The following GDAP1 variants were observed in gnomAD, a reference collection of about 807,000 sequenced individuals.
GDAP1 encodes ganglioside induced differentiation associated protein 1, also known as ganglioside-induced differentiation-associated protein 1.
In GDAP1, 34 loss-of-function variants were observed where a neutral mutation model predicts 40.1. The ratio of observed to expected loss-of-function variants is 0.85; its 90% CI spans 0.64 to 1.13. The LOEUF (loss-of-function observed/expected upper bound fraction) is 1.13. GDAP1 is among the 50% of genes most tolerant of loss of function. The pLI is 0.00. For missense variants in GDAP1, 374 were observed against 433.7 expected (o/e 0.86, Z 1.22); for synonymous variants, 170 against 157.4 (o/e 1.08, Z -0.60).
At chr8:74,411,118 T>C (rs1805703481) in intron 2 of GDAP1, among the ~76,000 whole-genome samples, 1 of 150,080 alleles carries the variant, frequency 6.7e-6, no homozygotes. Context: ...AGAAAGTACT[T>C]GCTGCTTCTT....
chr8:74,388,889 A>G (rs537250980), intron 2 of GDAP1, among the ~76,000 whole-genome samples: 1 of 152,270 alleles, frequency 6.6e-6, no homozygotes, highest in East Asian at 1.9e-4. Flanking sequence ...TATATTTAGC[A>G]TATTTAGCTC....
chr8:74,400,708 G>A (rs1427829992), intron 2 of GDAP1, among the ~76,000 whole-genome samples: 18 of 149,648 alleles, frequency 1.2e-4, no homozygotes, highest in Admixed American at 1.1e-3. Flanking sequence ...TCCTTTCCAT[G>A]TTTAGTGCTT....
At chr8:74,467,536 A>G (rs569700415) in intron 2 of GDAP1, among the ~76,000 whole-genome samples, 7 of 152,204 alleles carry the variant, frequency 4.6e-5, no homozygotes, top group Non-Finnish European at 1.0e-4. Context: ...GAGAGGCAAG[A>G]GTCAATGAAC....
intron 2 of GDAP1, among the ~76,000 whole-genome samples, chr8:74,413,773 G>T (rs1805744429): frequency 6.9e-6 from 1 of 144,806 alleles, no homozygotes; most frequent in Non-Finnish European, 1.5e-5. Context: ...CAAAGTGGTT[G>T]CAACCATAGG....
At chr8:74,443,240 C>A (rs1474552746) in intron 2 of GDAP1, among the ~76,000 whole-genome samples, 1 of 152,166 alleles carries the variant, frequency 6.6e-6, no homozygotes, top group Non-Finnish European at 1.5e-5. Flanking sequence ...GGAGCCTGAT[C>A]TGGATCCCAA....
intron 2 of GDAP1, among the ~76,000 whole-genome samples, chr8:74,374,752 A>G (rs1809822695): frequency 6.6e-6 from 1 of 152,216 alleles, no homozygotes; most frequent in Non-Finnish European, 1.5e-5. Flanking sequence ...GATGAAATTG[A>G]CAAATTTCTT....
chr8:74,386,503 G>A (rs973957934), intron 2 of GDAP1, among the ~76,000 whole-genome samples: 3 of 152,090 alleles, frequency 2.0e-5, no homozygotes, highest in African/African-American at 7.2e-5. Flanking sequence ...GTAGATGTGT[G>A]GCGTTATTCC....
chr8:74,374,549 C>T (rs151209000), intron 2 of GDAP1, among the ~76,000 whole-genome samples: 60 of 151,798 alleles, frequency 4.0e-4, no homozygotes, highest in Non-Finnish European at 7.2e-4. Flanking sequence ...CAAAAATTAA[C>T]GAAACTCAAA....
Position 74,351,255 on chromosome 8 carries a change from C to T in GDAP1, c.118-19C>T, listed in dbSNP as rs764139278. 6.2e-7 allele frequency: 1 copy of T among 1,604,096 alleles called. No individual in the cohort carries two copies. Among genetic ancestry groups the T allele is most frequent in the South Asian group, 1.1e-5 (1 of 90,876 alleles). On this transcript the variant is annotated intron_variant, in intron 1 of 5. Coordinates refer to ENST00000220822, the MANE Select transcript of GDAP1 (RefSeq NM_018972.4). ...TGAAAGCTTACATGTGTTGTAGTAA[C>T]CAGTGTGAACTCTTCCAGGTGCGCT...
chr8:74,406,226 G>A (rs890826350), intron 2 of GDAP1, among the ~76,000 whole-genome samples: 3 of 150,230 alleles, frequency 2.0e-5, no homozygotes. Flanking sequence ...AGGTAAAAAT[G>A]TGTGGTACAC....
At chr8:74,436,848 G>A (rs1249439497) in intron 2 of GDAP1, among the ~76,000 whole-genome samples, 1 of 152,062 alleles carries the variant, frequency 6.6e-6, no homozygotes, top group Non-Finnish European at 1.5e-5. Context: ...AACCCTAAAG[G>A]TTAAATAGTG....
At chr8:74,485,554 T>C (rs1334449152) in intron 2 of GDAP1, among the ~76,000 whole-genome samples, 2 of 152,186 alleles carry the variant, frequency 1.3e-5, no homozygotes, top group Admixed American at 1.3e-4. Context: ...AGATCCGATA[T>C]AATCAAGCAC....
chr8:74,386,315 A>G (rs4307334), intron 2 of GDAP1, among the ~76,000 whole-genome samples: 152,206 of 152,318 alleles, frequency 1, 76,048 homozygotes, highest in Non-Finnish European at 1. Flanking sequence ...GGTTTTTGTG[A>G]TTTTAGGTCT....
chr8:74,372,730 G>A (rs1371758800), intron 2 of GDAP1, among the ~76,000 whole-genome samples: 2 of 152,178 alleles, frequency 1.3e-5, no homozygotes, highest in Non-Finnish European at 2.9e-5. Flanking sequence ...TGTTCACTCT[G>A]ATGGTAGTTT....
intron 2 of GDAP1, among the ~76,000 whole-genome samples, chr8:74,404,543 A>G (rs1447803769): frequency 6.7e-6 from 1 of 149,728 alleles, no homozygotes. Flanking sequence ...TCACTCACCT[A>G]AGGTCACATG....
chr8:74,383,153 A>C (rs1351934439), intron 2 of GDAP1, among the ~76,000 whole-genome samples: 4 of 152,206 alleles, frequency 2.6e-5, no homozygotes, highest in African/African-American at 7.2e-5. Context: ...GGGTGTTTGC[A>C]TACAAACTTA....
intron 2 of GDAP1, among the ~76,000 whole-genome samples, chr8:74,387,393 G>A (rs186797675): frequency 2.2e-3 from 340 of 152,212 alleles, no homozygotes; most frequent in African/African-American, 7.9e-3. Flanking sequence ...AGCATGAAGC[G>A]GTGTTGAATT....
intron 2 of GDAP1, among the ~76,000 whole-genome samples, chr8:74,402,203 C>G (rs1011853917): frequency 6.6e-6 from 1 of 150,480 alleles, no homozygotes; most frequent in Non-Finnish European, 1.5e-5. Context: ...GTGGTGGGCT[C>G]CACCCAATTG....
chr8:74,444,712 G>A (rs1361350226), intron 2 of GDAP1, among the ~76,000 whole-genome samples: 2 of 152,108 alleles, frequency 1.3e-5, no homozygotes, highest in East Asian at 3.8e-4. Flanking sequence ...AGATATTTTT[G>A]AAATTAAAAG....
Sources: allele counts gnomAD v4.1 joint callset (sites outside exome capture counted in the v4.1 genomes callset), GRCh38; gene constraint gnomAD v4.1.1; transcripts MANE v1.5; gene names NCBI Gene and HGNC (gene_info 2026-07-23, HGNC 2026-07-21).